FAM149B1: variants seen among roughly 807,000 people sequenced by gnomAD.
FAM149B1 encodes primary cilium assembly protein FAM149B1.
In FAM149B1, 56 loss-of-function variants were observed where a neutral mutation model predicts 75.3. The ratio of observed to expected loss-of-function variants is 0.74; its 90% CI spans 0.60 to 0.93. The LOEUF is 0.93. FAM149B1 is among the 40% of genes least tolerant of loss of function. The pLI is 0.00. For synonymous variants in FAM149B1, 259 were observed against 256.1 expected (o/e 1.01, Z -0.11); for missense variants, 639 against 708.4 (o/e 0.90, Z 1.11).
At chr10:73,193,763 T>C (rs1218758702) in intron 5 of FAM149B1, among the ~76,000 whole-genome samples, 170 bp downstream of exon 5, 1 of 152,240 alleles carries the variant, frequency 6.6e-6, no homozygotes, top group African/African-American at 2.4e-5. Flanking sequence ...AATTTCATTA[T>C]GTAATTTTGT....
chr10:73,192,374 A>T (rs2042705076), intron 3 of FAM149B1, 182 bp from the exon 4 acceptor site: 3 of 600,252 alleles, frequency 5.0e-6, no homozygotes, highest in Non-Finnish European at 8.6e-6. Context: ...AATGGAGAAG[A>T]TACCTGAAAA....
chr10:73,234,988 A>G, intron 11 of FAM149B1, 48 bp downstream of exon 11: 1 of 1,539,608 alleles, frequency 6.5e-7, no homozygotes, highest in Non-Finnish European at 8.8e-7. Flanking sequence ...ATACAACCTA[A>G]TGGGCAGTAA....
At chr10:73,210,181 C>T (rs2043156369) in intron 6 of FAM149B1, 70 bp from the exon 7 acceptor site, 1 of 1,097,330 alleles carries the variant, frequency 9.1e-7, no homozygotes, top group South Asian at 1.6e-5. Flanking sequence ...TCAGGTAATA[C>T]ACAGACAATT....
At chr10:73,179,558 T>A (rs1327359509) in intron 3 of FAM149B1, among the ~76,000 whole-genome samples, 2 of 150,312 alleles carry the variant, frequency 1.3e-5, no homozygotes, top group African/African-American at 4.9e-5. Flanking sequence ...GGACCACAGG[T>A]GCATGCCACC....
At chr10:73,231,270 A>G (rs1168844977) in intron 9 of FAM149B1, 4 of 150,426 alleles carry the variant, frequency 2.7e-5, no homozygotes, top group Non-Finnish European at 4.4e-5. Flanking sequence ...GAGGTATTAC[A>G]CATAATAAAG....
intron 5 of FAM149B1, among the ~76,000 whole-genome samples, chr10:73,205,570 T>C (rs1211476124): frequency 6.6e-6 from 1 of 152,180 alleles, no homozygotes; most frequent in African/African-American, 2.4e-5. Context: ...TTGGGTTTTT[T>C]TGAGACAGAG....
chr10:73,183,715 C>A (rs2042455145), intron 3 of FAM149B1: 1 of 152,072 alleles, frequency 6.6e-6, no homozygotes, highest in South Asian at 2.1e-4. Context: ...AAAGGCTTTG[C>A]AAATTGACAA....
chr10:73,197,599 G>A (rs549113754), intron 5 of FAM149B1, among the ~76,000 whole-genome samples: 131 of 151,662 alleles, frequency 8.6e-4, no homozygotes, highest in Non-Finnish European at 1.5e-3. Flanking sequence ...GTGAAACCCC[G>A]TCTCTACTAA....
At chr10:73,189,557 C>G (rs1284539007) in intron 3 of FAM149B1, among the ~76,000 whole-genome samples, 1 of 152,154 alleles carries the variant, frequency 6.6e-6, no homozygotes, top group Non-Finnish European at 1.5e-5. Context: ...AAATACTTTT[C>G]AGCAATAGAA....
chr10:73,228,638 C>T, intron 8 of FAM149B1, among the ~76,000 whole-genome samples: 1 of 151,994 alleles, frequency 6.6e-6, no homozygotes, highest in East Asian at 1.9e-4. Context: ...CGCTCTGTCA[C>T]CCAGGCTGGA....
chr10:73,187,011 G>A (rs1412301254), intron 3 of FAM149B1, among the ~76,000 whole-genome samples: 3 of 152,094 alleles, frequency 2.0e-5, no homozygotes, highest in African/African-American at 7.2e-5. Flanking sequence ...CAATTTAAAA[G>A]GGTGAATTTC....
At chr10:73,169,772 T>C (rs905269566) in intron 1 of FAM149B1, among the ~76,000 whole-genome samples, 54 of 152,294 alleles carry the variant, frequency 3.5e-4, no homozygotes, top group Middle Eastern at 3.4e-3. Flanking sequence ...CTTTTTGATC[T>C]TAACAACTCT....
intron 8 of FAM149B1, 68 bp from the exon 9 acceptor site, chr10:73,230,354 C>A: frequency 1.2e-6 from 1 of 836,430 alleles, no homozygotes; most frequent in Non-Finnish European, 2.0e-6. Context: ...TAACTTTTGG[C>A]AAAGTTGGAA....
chr10:73,205,486 G>A (rs1276735597), intron 5 of FAM149B1, among the ~76,000 whole-genome samples: 2 of 152,104 alleles, frequency 1.3e-5, no homozygotes, highest in Non-Finnish European at 2.9e-5. Context: ...AACCTGCAGA[G>A]CCATAAGCCA....
chr10:73,244,174 C>T lies in FAM149B1; in HGVS notation c.*3155C>T, dbSNP rs2133426328. The stretch of plus-strand genomic sequence containing the variant: ...CTATTTGCTAGAGGTAGTAAGTACT[C>T]TGGCACTCATAAATCACATGATGAT... On this transcript the variant is annotated 3_prime_UTR_variant, in exon 14 of 14. Coordinates refer to ENST00000242505, the MANE Select transcript of FAM149B1 (RefSeq NM_173348.2). The T allele has an allele frequency of 6.1e-6, 3 of 490,202 alleles. No homozygotes were observed. The highest frequency in any genetic ancestry group is 1.1e-5 in the Non-Finnish European group (3 of 277,778). 30.4% of individuals were successfully genotyped at this position (490,202 alleles called of 1,614,324 possible). A position where few individuals can be genotyped will look rare whatever the true frequency, so the allele number is the denominator to read the frequency against.
At chr10:73,214,387 T>C (rs1293164078) in intron 7 of FAM149B1, among the ~76,000 whole-genome samples, 1 of 152,210 alleles carries the variant, frequency 6.6e-6, no homozygotes, top group Non-Finnish European at 1.5e-5. Flanking sequence ...GTTCTAGCTT[T>C]AGGGAATGCT....
chr10:73,192,504 A>G, intron 3 of FAM149B1, 52 bp from the exon 4 acceptor site: 2 of 1,508,368 alleles, frequency 1.3e-6, no homozygotes, highest in Non-Finnish European at 1.8e-6. Context: ...ATAATTTTTA[A>G]CAGAGAGTGA....
chr10:73,211,656 G>T (rs1244127434), intron 7 of FAM149B1, among the ~76,000 whole-genome samples: 1 of 152,198 alleles, frequency 6.6e-6, no homozygotes, highest in African/African-American at 2.4e-5. Flanking sequence ...GACAGAGCTT[G>T]TACTTTCTCT....
At chr10:73,237,088 C>T (rs550057412) in intron 12 of FAM149B1, among the ~76,000 whole-genome samples, 1 of 152,292 alleles carries the variant, frequency 6.6e-6, no homozygotes, top group South Asian at 2.1e-4. Flanking sequence ...ATACCAGTCG[C>T]TGAATTTAGG....
Sources: gnomAD v4.1 joint callset for allele counts (sites outside exome capture counted in the v4.1 genomes callset) on GRCh38, gnomAD v4.1.1 for gene constraint, MANE v1.5 for transcripts, NCBI Gene and HGNC (gene_info 2026-07-23, HGNC 2026-07-21) for gene names.